Variants in NPAS3 observed in about 807,000 individuals in gnomAD.
NPAS3 encodes the protein neuronal PAS domain protein 3, also known as neuronal PAS domain-containing protein 3.
NPAS3 carries 14 observed loss-of-function variants against 73.1 expected under a neutral mutation model. That is an observed-to-expected ratio of 0.19 (90% CI 0.13 to 0.30). The LOEUF is 0.30. NPAS3 is among the 10% of genes least tolerant of loss of function. The pLI, the probability that NPAS3 is intolerant of heterozygous loss-of-function variation, is 1.00. For missense variants in NPAS3, 1,096 were observed against 1,250.0 expected (o/e 0.88, Z 1.86); for synonymous variants, 620 against 541.5 (o/e 1.14, Z -2.01).
At chr14:33,004,210 A>G (rs1376521213) in intron 1 of NPAS3, among the ~76,000 whole-genome samples, 2 of 152,236 alleles carry the variant, frequency 1.3e-5, no homozygotes, top group Non-Finnish European at 2.9e-5. Context: ...TCACGGGGAT[A>G]CATTTTAAGA....
intron 4 of NPAS3, among the ~76,000 whole-genome samples, chr14:33,384,685 G>A (rs551821892): frequency 2.6e-5 from 4 of 152,254 alleles, no homozygotes; most frequent in East Asian, 3.9e-4. Context: ...GGCCGAGATC[G>A]CTCTATCCCA....
intron 3 of NPAS3, among the ~76,000 whole-genome samples, chr14:33,342,458 A>G (rs2044531101): frequency 1.3e-5 from 2 of 152,220 alleles, no homozygotes; most frequent in Non-Finnish European, 2.9e-5. Flanking sequence ...CAATTATGCC[A>G]TTTGGATAGG....
At chr14:33,309,919 G>A (rs1284547771) in intron 3 of NPAS3, among the ~76,000 whole-genome samples, 1 of 152,100 alleles carries the variant, frequency 6.6e-6, no homozygotes. Context: ...GAGGGAGGAG[G>A]GTCCCTCTAG....
chr14:33,687,737 T>A (rs2060128649), intron 6 of NPAS3, among the ~76,000 whole-genome samples: 1 of 152,224 alleles, frequency 6.6e-6, no homozygotes, highest in African/African-American at 2.4e-5. Context: ...ACACAAAACA[T>A]TCATTCATTC....
At chr14:33,265,116 C>T (rs552110095) in intron 3 of NPAS3, among the ~76,000 whole-genome samples, 19 of 152,276 alleles carry the variant, frequency 1.2e-4, no homozygotes, top group East Asian at 3.9e-4. Context: ...CAAGGTCCCT[C>T]GTGTTAATTC....
chr14:33,442,656 G>A (rs561655478), intron 4 of NPAS3, among the ~76,000 whole-genome samples: 4 of 152,194 alleles, frequency 2.6e-5, no homozygotes, highest in Non-Finnish European at 5.9e-5. Context: ...TGTGAAGAAG[G>A]ACTTGTTTGC....
At chr14:33,577,521 T>A (rs1786705954) in intron 5 of NPAS3, among the ~76,000 whole-genome samples, 1 of 152,220 alleles carries the variant, frequency 6.6e-6, no homozygotes, top group East Asian at 1.9e-4. Context: ...TATGAAAATT[T>A]TATGCCCATT....
chr14:33,211,382 A>C (rs1285277626), intron 2 of NPAS3, among the ~76,000 whole-genome samples: 1 of 152,132 alleles, frequency 6.6e-6, no homozygotes, highest in East Asian at 1.9e-4. Context: ...GGAGTTAGAG[A>C]CCAGCCTGGC....
At chr14:33,267,598 A>C (rs1418482608) in intron 3 of NPAS3, among the ~76,000 whole-genome samples, 1 of 152,216 alleles carries the variant, frequency 6.6e-6, no homozygotes, top group Non-Finnish European at 1.5e-5. Flanking sequence ...ATTCTTCTTC[A>C]TGAAGGTAGA....
intron 2 of NPAS3, among the ~76,000 whole-genome samples, chr14:33,198,238 C>A (rs1406774266): frequency 6.6e-6 from 1 of 152,144 alleles, no homozygotes; most frequent in Non-Finnish European, 1.5e-5. Context: ...GCTTCCACAG[C>A]ATGGAAGGGG....
rs533946108 is a variant in NPAS3 at position 33,473,482 on chromosome 14, G to A, written c.469-86639G>A. On this transcript the variant is annotated intron_variant, in intron 4 of 11. Transcript: ENST00000356141. Reference sequence around the variant, plus strand: ...AATAATTAAAAAATAATTTTCCAGAGATTTATTCATTCATCTACTGAATAT... The same window carrying A: ...AATAATTAAAAAATAATTTTCCAGAAATTTATTCATTCATCTACTGAATAT... Among the ~76,000 whole-genome samples the A allele has an allele frequency of 9.2e-5, 14 of 152,288 alleles. No homozygotes were observed. In the South Asian group the frequency reaches 2.7e-3, roughly 29 times the overall value.
At chr14:32,958,156 G>C (rs2036759022) in intron 1 of NPAS3, among the ~76,000 whole-genome samples, 1 of 149,376 alleles carries the variant, frequency 6.7e-6, no homozygotes, top group South Asian at 2.1e-4. Flanking sequence ...ATAAAAGCCT[G>C]TGACCCCTAT....
At chr14:33,039,549 C>G (rs534197477) in intron 1 of NPAS3, among the ~76,000 whole-genome samples, 1 of 152,254 alleles carries the variant, frequency 6.6e-6, no homozygotes, top group African/African-American at 2.4e-5. Flanking sequence ...GGTGTGAAAT[C>G]GATACACTAT....
intron 1 of NPAS3, among the ~76,000 whole-genome samples, chr14:32,966,776 C>CAAA (rs61620104): frequency 1.7e-3 from 78 of 44,846 alleles, no homozygotes; most frequent in Non-Finnish European, 2.3e-3. Flanking sequence ...GACTCCGTCT[C>CAAA]AAAAAAAAAA....
chr14:33,446,445 G>C (rs991313120), intron 4 of NPAS3, among the ~76,000 whole-genome samples: 2 of 152,016 alleles, frequency 1.3e-5, no homozygotes, highest in Admixed American at 1.3e-4. Context: ...AAAGTGCTGG[G>C]ATTACAGGCG....
intron 5 of NPAS3, among the ~76,000 whole-genome samples, chr14:33,597,441 A>G (rs1404519423): frequency 6.6e-6 from 1 of 152,254 alleles, no homozygotes; most frequent in Non-Finnish European, 1.5e-5. Flanking sequence ...ATGGGAACAT[A>G]AAGAGTAATT....
chr14:33,420,154 T>G (rs1482756203), intron 4 of NPAS3, among the ~76,000 whole-genome samples: 1 of 151,990 alleles, frequency 6.6e-6, no homozygotes, highest in Non-Finnish European at 1.5e-5. Flanking sequence ...TCACTTTGCT[T>G]TATAGACAAG....
chr14:33,268,667 C>A (rs1476806340), intron 3 of NPAS3, among the ~76,000 whole-genome samples: 1 of 152,016 alleles, frequency 6.6e-6, no homozygotes, highest in East Asian at 1.9e-4. Flanking sequence ...AGAAAGATGC[C>A]CAAATATACT....
At chr14:33,676,051 A>G (rs2059754851) in intron 5 of NPAS3, among the ~76,000 whole-genome samples, 160 bp from the exon 6 acceptor site, 1 of 152,060 alleles carries the variant, frequency 6.6e-6, no homozygotes, top group Non-Finnish European at 1.5e-5. Context: ...CTTTCACCTC[A>G]AGAATTCTTA....
Sources: gnomAD v4.1 joint callset for allele counts (sites outside exome capture counted in the v4.1 genomes callset) on GRCh38, gnomAD v4.1.1 for gene constraint, MANE v1.5 for transcripts, NCBI Gene and HGNC (gene_info 2026-07-23, HGNC 2026-07-21) for gene names.